The following CLEC16A variants were observed in gnomAD, a reference collection of about 807,000 sequenced individuals.
The protein encoded by CLEC16A is protein CLEC16A.
CLEC16A carries 51 observed loss-of-function variants against 109.5 expected under a neutral mutation model. The observed-to-expected ratio is 0.47, with a 90% CI of 0.37 to 0.59. The LOEUF (loss-of-function observed/expected upper bound fraction) is 0.59, where lower values mean the gene tolerates loss of function less well. Among genes scored for constraint, CLEC16A ranks in the 20% least tolerant of loss-of-function variants. The pLI is 0.00. For synonymous variants in CLEC16A, 673 were observed against 564.2 expected (o/e 1.19, Z -2.73); for missense variants, 1,339 against 1,394.0 (o/e 0.96, Z 0.63).
At chr16:11,088,452 C>T (rs2050128076) in intron 19 of CLEC16A, among the ~76,000 whole-genome samples, 1 of 152,206 alleles carries the variant, frequency 6.6e-6, no homozygotes, top group Non-Finnish European at 1.5e-5. Flanking sequence ...TGGGTGAAAG[C>T]CTCGTTGGGG....
intron 3 of CLEC16A, among the ~76,000 whole-genome samples, chr16:10,965,767 A>G (rs1263807979): frequency 6.6e-6 from 1 of 152,184 alleles, no homozygotes; most frequent in Non-Finnish European, 1.5e-5. Flanking sequence ...TAGTAGAAAA[A>G]TCCCAGCCTG....
intron 19 of CLEC16A, among the ~76,000 whole-genome samples, chr16:11,094,531 T>G (rs886124108): frequency 6.6e-6 from 1 of 152,214 alleles, no homozygotes; most frequent in African/African-American, 2.4e-5. Context: ...TTTGAAGCAT[T>G]TACAGGCACC....
chr16:10,957,929 T>G lies in CLEC16A; in HGVS notation c.209+19T>G. 6.2e-7 allele frequency: 1 copy of G among 1,609,354 alleles called. No homozygotes were observed. Among genetic ancestry groups the G allele is most frequent in the Non-Finnish European group, 8.5e-7 (1 of 1,176,554 alleles). On this transcript the variant is annotated intron_variant, in intron 2 of 23. Transcript: ENST00000409790. ...TATTTGAGTAAGGGTTTCTAATGATTGCTGTTCTTTGATTATTCTTCTTTG... is the reference window on the plus strand; with the variant it reads ...TATTTGAGTAAGGGTTTCTAATGATGGCTGTTCTTTGATTATTCTTCTTTG...
intron 3 of CLEC16A, among the ~76,000 whole-genome samples, chr16:10,968,013 A>G (rs2042595213): frequency 6.6e-6 from 1 of 152,256 alleles, no homozygotes. Context: ...ATCTGAGGAC[A>G]AGACTCTGAG....
intron 19 of CLEC16A, among the ~76,000 whole-genome samples, chr16:11,111,446 A>G (rs1308632999): frequency 6.6e-6 from 1 of 152,118 alleles, no homozygotes; most frequent in Non-Finnish European, 1.5e-5. Context: ...AGAAATCACA[A>G]AGCATCACTT....
chr16:11,173,985 G>A (rs1338659697), intron 23 of CLEC16A, among the ~76,000 whole-genome samples: 2 of 152,110 alleles, frequency 1.3e-5, no homozygotes, highest in Non-Finnish European at 2.9e-5. Context: ...TGCATGGGGG[G>A]CCAGCGCCCC....
At chr16:10,980,993 A>T (rs1350531173) in intron 9 of CLEC16A, among the ~76,000 whole-genome samples, 3 of 152,216 alleles carry the variant, frequency 2.0e-5, no homozygotes, top group Admixed American at 1.3e-4. Flanking sequence ...AACTGCTAAC[A>T]GAGTGTGGTG....
At chr16:11,168,642 C>G (rs1004692880) in intron 23 of CLEC16A, among the ~76,000 whole-genome samples, 26 of 152,256 alleles carry the variant, frequency 1.7e-4, no homozygotes, top group Admixed American at 1.7e-3. Context: ...CCCACAAGCT[C>G]CTCCCTGTCT....
chr16:11,155,870 A>G (rs1162096340), intron 22 of CLEC16A, among the ~76,000 whole-genome samples: 1 of 152,234 alleles, frequency 6.6e-6, no homozygotes, highest in Non-Finnish European at 1.5e-5. Flanking sequence ...TTGGGTGCAT[A>G]CTAAGTATGT....
chr16:11,134,786 G>T (rs1003839081), intron 22 of CLEC16A, among the ~76,000 whole-genome samples: 1 of 152,222 alleles, frequency 6.6e-6, no homozygotes, highest in African/African-American at 2.4e-5. Flanking sequence ...TCGCATGGCA[G>T]CTCTGCCTGT....
intron 22 of CLEC16A, chr16:11,156,937 C>T (rs1392979545): frequency 3.4e-6 from 1 of 293,758 alleles, no homozygotes; most frequent in Non-Finnish European, 6.6e-6. Flanking sequence ...CCACCCACCC[C>T]CTGCCGGTAG....
intron 19 of CLEC16A, 113 bp downstream of exon 19, chr16:11,061,135 C>T (rs550601781): frequency 2.8e-4 from 354 of 1,267,678 alleles, no homozygotes; most frequent in Admixed American, 1.0e-3. Context: ...ACATTTTGTA[C>T]TATTATTGAG....
intron 19 of CLEC16A, among the ~76,000 whole-genome samples, chr16:11,094,463 G>A (rs1490355971): frequency 6.6e-6 from 1 of 152,246 alleles, no homozygotes; most frequent in African/African-American, 2.4e-5. Context: ...GGGCCCTCTT[G>A]GCTCCAGCTG....
At chr16:11,094,339 GA>G (rs1389160298) in intron 19 of CLEC16A, among the ~76,000 whole-genome samples, 3 of 152,236 alleles carry the variant, frequency 2.0e-5, no homozygotes, top group African/African-American at 7.2e-5. Flanking sequence ...GGCCGAGCCT[GA>G]TAAGTTTCCA....
chr16:11,119,949 GT>G (rs527986427), intron 19 of CLEC16A, among the ~76,000 whole-genome samples: 14 of 129,136 alleles, frequency 1.1e-4, no homozygotes, highest in African/African-American at 4.3e-4. Context: ...TTGTTTTGTT[GT>G]TTTGTTTTGT....
rs564071914 is a variant in CLEC16A at position 11,124,344 on chromosome 16, C to G, written c.2473+398C>G. On this transcript the variant is annotated intron_variant, in intron 21 of 23. Transcript: ENST00000409790. ...TCTGCCCATTTTACGGAGAAGGAAACAGGCTCAGGGACTTGCCCAAAGTCA... is the reference window on the plus strand; with the variant it reads ...TCTGCCCATTTTACGGAGAAGGAAAGAGGCTCAGGGACTTGCCCAAAGTCA... 2.0e-5 allele frequency among the ~76,000 whole-genome samples: 3 copies of G among 152,342 alleles called. No individual in the cohort carries two copies. The East Asian group carries it at 5.8e-4, about 29-fold the overall frequency.
At chr16:11,088,308 A>T (rs1303850087) in intron 19 of CLEC16A, among the ~76,000 whole-genome samples, 1 of 152,044 alleles carries the variant, frequency 6.6e-6, no homozygotes, top group Non-Finnish European at 1.5e-5. Flanking sequence ...CACAGCTAGG[A>T]CTCCACAGAA....
In CLEC16A at chr16:11,101,156, A is replaced by G. The variant is rs80223041; in HGVS notation, c.2117-19459A>G. Among the ~76,000 whole-genome samples, 615 of 152,340 alleles carry G rather than the reference A, an allele frequency of 4.0e-3. 8 individuals carry two copies. The highest frequency in any genetic ancestry group is 0.014 in the African/African-American group (586 of 41,566). On this transcript the variant is annotated intron_variant, in intron 19 of 23. Transcript: ENST00000409790. ...TTAAGTTCCAGTCCAGGTCTTCATT[A>G]TAAGCTTCCAATTAAGGGCCTGAGT...
intron 12 of CLEC16A, among the ~76,000 whole-genome samples, chr16:11,020,738 C>A (rs536463807): frequency 7.2e-5 from 11 of 152,384 alleles, no homozygotes; most frequent in African/African-American, 2.6e-4. Context: ...CATACCCCAT[C>A]TATAGGGCCT....
Sources: allele counts gnomAD v4.1 joint callset (sites outside exome capture counted in the v4.1 genomes callset), GRCh38; gene constraint gnomAD v4.1.1; transcripts MANE v1.5; gene names NCBI Gene and HGNC (gene_info 2026-07-23, HGNC 2026-07-21).